Variants in TJP2 observed in about 807,000 individuals in gnomAD.
TJP2 encodes tight junction protein 2, also known as Friedreich ataxia region gene X104 (tight junction protein ZO-2).
Under a neutral mutation model 133.1 loss-of-function variants are expected in TJP2, and 91 were observed. That is an observed-to-expected ratio of 0.68 (90% confidence interval 0.58 to 0.81). The LOEUF (loss-of-function observed/expected upper bound fraction) is 0.81, where lower values mean the gene tolerates loss of function less well. Among genes scored for constraint, TJP2 ranks in the 40% least tolerant of loss-of-function variants. The pLI is 0.00. For synonymous variants in TJP2, 592 were observed against 583.4 expected, an observed-to-expected ratio of 1.01 and a Z score of -0.21; for missense variants, 1,541 against 1,565.6, an observed-to-expected ratio of 0.98 and a Z score of 0.26.
chr9:69,155,591 G>A (rs891631528), intron 2 of TJP2, among the ~76,000 whole-genome samples: 5 of 152,258 alleles, frequency 3.3e-5, no homozygotes, highest in Non-Finnish European at 5.9e-5. Flanking sequence ...TGTAATGGCT[G>A]GTTTAGAGCA....
Sources: allele counts gnomAD v4.1 joint callset (sites outside exome capture counted in the v4.1 genomes callset), GRCh38; gene constraint gnomAD v4.1.1; transcripts MANE v1.5; gene names NCBI Gene and HGNC (gene_info 2026-07-23, HGNC 2026-07-21).